The following CDH12 variants were observed in gnomAD, a reference collection of about 807,000 sequenced individuals.
The protein encoded by CDH12 is cadherin 12.
A neutral mutation model predicts 74.1 loss-of-function variants in CDH12; 41 were observed. The ratio of observed to expected loss-of-function variants is 0.55; its 90% CI spans 0.43 to 0.72. The LOEUF (loss-of-function observed/expected upper bound fraction) is 0.72, where lower values mean the gene tolerates loss of function less well. CDH12 is among the 30% of genes least tolerant of loss of function. The pLI, the probability that CDH12 is intolerant of heterozygous loss-of-function variation, is 0.00. For missense variants in CDH12, 945 were observed against 977.2 expected, an observed-to-expected ratio of 0.97 and a Z score of 0.44; for synonymous variants, 399 against 355.0, an observed-to-expected ratio of 1.12 and a Z score of -1.39.
At chr5:21,778,651 A>C (rs1745739348) in intron 11 of CDH12, among the ~76,000 whole-genome samples, 1 of 151,946 alleles carries the variant, frequency 6.6e-6, no homozygotes. Flanking sequence ...CATAATTTGC[A>C]CAGTTATTAC....
chr5:21,752,700 T>A (rs889912131), intron 14 of CDH12, among the ~76,000 whole-genome samples: 5 of 151,526 alleles, frequency 3.3e-5, no homozygotes, highest in African/African-American at 1.2e-4. Context: ...GTGACCATTA[T>A]TTTTAAAGGC....
At chr5:22,674,382 T>G (rs1741058950) in intron 1 of CDH12, among the ~76,000 whole-genome samples, 1 of 152,196 alleles carries the variant, frequency 6.6e-6, no homozygotes, top group African/African-American at 2.4e-5. Context: ...GACATACCTT[T>G]CACTTTCTGC....
chr5:22,684,586 G>T (rs372568101), intron 1 of CDH12, among the ~76,000 whole-genome samples: 46 of 152,164 alleles, frequency 3.0e-4, no homozygotes, highest in Admixed American at 3.0e-3. Flanking sequence ...GGGCTGTCAC[G>T]TATTCTTAGG....
At chr5:22,670,735 A>G (rs935258460) in intron 1 of CDH12, among the ~76,000 whole-genome samples, 5 of 152,072 alleles carry the variant, frequency 3.3e-5, no homozygotes, top group African/African-American at 4.8e-5. Context: ...TATTTTAAAA[A>G]TAAACTCTAG....
chr5:22,457,424 CA>C (rs1745324638), intron 2 of CDH12, among the ~76,000 whole-genome samples: 2 of 119,652 alleles, frequency 1.7e-5, no homozygotes, highest in Admixed American at 9.0e-5. Context: ...TCTTCTTCTT[CA>C]TTTTTTTTTT....
rs550280251 is a variant in CDH12, at chr5:21,826,499, T to G, written c.815-9367A>C. ...GGTCACCACCATCACAGACTCATAC[T>G]TCTTTTCTGTTACTGCAGATGCCTG... On this transcript the variant is annotated intron_variant, in intron 8 of 14. Transcript: ENST00000382254. Among the ~76,000 whole-genome samples the G allele has an allele frequency of 1.2e-3, 185 of 152,276 alleles. 1 individual carries two copies. The highest frequency in any genetic ancestry group is 4.4e-3 in the African/African-American group (181 of 41,566).
chr5:22,589,270 A>T (rs1294352673), intron 1 of CDH12, among the ~76,000 whole-genome samples: 1 of 152,164 alleles, frequency 6.6e-6, no homozygotes, highest in Non-Finnish European at 1.5e-5. Context: ...TAGAATGAAG[A>T]CACGAGGAAC....
chr5:22,844,616 A>T (rs1737219734), intron 1 of CDH12, among the ~76,000 whole-genome samples: 2 of 152,162 alleles, frequency 1.3e-5, no homozygotes, highest in Admixed American at 1.3e-4. Flanking sequence ...TGCATTTGTG[A>T]CATTATTCTG....
chr5:21,842,015 AAAAG>A (rs2149985997), intron 8 of CDH12, 142 bp downstream of exon 8: 1 of 668,224 alleles, frequency 1.5e-6, no homozygotes, highest in East Asian at 2.8e-5. Flanking sequence ...TAAAAAAAAA[AAAAG>A]ATTTGTAATT....
chr5:21,804,403 A>C (rs6452001), intron 9 of CDH12, among the ~76,000 whole-genome samples: 102,562 of 151,860 alleles, frequency 0.68, 36,029 homozygotes, highest in Non-Finnish European at 0.78. Context: ...ACTTATTGCA[A>C]GACTAGAATG....
At chr5:22,680,615 C>T (rs1274154175) in intron 1 of CDH12, among the ~76,000 whole-genome samples, 1 of 151,964 alleles carries the variant, frequency 6.6e-6, no homozygotes, top group Non-Finnish European at 1.5e-5. Flanking sequence ...CGTAGCTGAA[C>T]CAGGTTATAG....
chr5:22,474,621 A>C (rs891855947), intron 2 of CDH12, among the ~76,000 whole-genome samples: 1 of 152,146 alleles, frequency 6.6e-6, no homozygotes, highest in African/African-American at 2.4e-5. Flanking sequence ...GTGAATGTGT[A>C]ATTAAGTGGA....
intron 4 of CDH12, among the ~76,000 whole-genome samples, chr5:22,153,457 T>C (rs1000170528): frequency 1.7e-4 from 26 of 151,962 alleles, no homozygotes; most frequent in Admixed American, 4.6e-4. Flanking sequence ...GGGTCACCCA[T>C]GCTCTGAGGC....
At chr5:22,147,314 T>C (rs1747252386) in intron 4 of CDH12, among the ~76,000 whole-genome samples, 1 of 152,142 alleles carries the variant, frequency 6.6e-6, no homozygotes, top group Non-Finnish European at 1.5e-5. Flanking sequence ...TGCATTCTTG[T>C]TCCCTTTGGA....
At chr5:22,772,772 A>G (rs2126315891) in intron 1 of CDH12, among the ~76,000 whole-genome samples, 1 of 152,250 alleles carries the variant, frequency 6.6e-6, no homozygotes, top group Non-Finnish European at 1.5e-5. Context: ...TTGTCTCCAT[A>G]GTTCACAGCA....
At chr5:21,852,995 A>G (rs1299684724) in intron 7 of CDH12, among the ~76,000 whole-genome samples, 1 of 151,560 alleles carries the variant, frequency 6.6e-6, no homozygotes, top group African/African-American at 2.4e-5. Flanking sequence ...ATTTTCATAT[A>G]TTCAGCCTAT....
chr5:21,878,610 G>A (rs1429579621), intron 6 of CDH12, among the ~76,000 whole-genome samples: 4 of 150,948 alleles, frequency 2.6e-5, no homozygotes, highest in Non-Finnish European at 4.4e-5. Flanking sequence ...AGGCATGGTG[G>A]CATGGCCTGT....
intron 1 of CDH12, among the ~76,000 whole-genome samples, chr5:22,639,800 A>C (rs550638188): frequency 8.9e-4 from 135 of 152,218 alleles, no homozygotes; most frequent in Non-Finnish European, 1.7e-3. Flanking sequence ...AAACATTTTT[A>C]ATATGATCCA....
intron 1 of CDH12, among the ~76,000 whole-genome samples, chr5:22,667,961 GA>G (rs141463370): frequency 0.12 from 17,852 of 151,846 alleles, 1,372 homozygotes; most frequent in Admixed American, 0.2. Flanking sequence ...TATAAGGAGG[GA>G]AAAAACATTT....
Sources: allele counts gnomAD v4.1 joint callset (sites outside exome capture counted in the v4.1 genomes callset), GRCh38; gene constraint gnomAD v4.1.1; transcripts MANE v1.5; gene names NCBI Gene and HGNC (gene_info 2026-07-23, HGNC 2026-07-21).